Variants in MYPN observed in about 807,000 individuals in gnomAD.
MYPN encodes myopalladin, also known as sarcomeric protein myopalladin, 145 kDa (MYOP).
A neutral mutation model predicts 129.4 loss-of-function variants in MYPN; 63 were observed. The ratio of observed to expected loss-of-function variants is 0.49; its 90% CI spans 0.40 to 0.60. The LOEUF (loss-of-function observed/expected upper bound fraction) is 0.60. MYPN is among the 20% of genes least tolerant of loss of function. The probability of loss-of-function intolerance (pLI) is 0.00; values close to 1 mark genes in which losing one functional copy is unlikely to be tolerated. For synonymous variants in MYPN, 629 were observed against 600.9 expected (o/e 1.05, Z -0.68); for missense variants, 1,596 against 1,635.4 (o/e 0.98, Z 0.42).
intron 2 of MYPN, among the ~76,000 whole-genome samples, chr10:68,132,236 A>G (rs1282317930): frequency 1.3e-5 from 2 of 152,126 alleles, no homozygotes; most frequent in Non-Finnish European, 2.9e-5. Context: ...CTTTTTCTGC[A>G]TTTATTGAGC....
At position 68,122,113 on chromosome 10, in the gene MYPN, T is replaced by C; in HGVS notation, c.675T>C (p.Asn225=). ...CGGATACCAGGGATAATGAAGTGAA[T>C]CACGCCCTGGAACAGCAGGAAGCCA... ...IPADTRDNEV[N]HALEQQEAKR... is the part of the protein sequence containing the mutation. The change falls in exon 2 of 20, where the codon AAT becomes AAC. Residue 225 remains asparagine, a synonymous_variant. Transcript: ENST00000358913. 5 of 1,614,136 alleles carry C rather than the reference T, an allele frequency of 3.1e-6. No homozygotes were observed. The highest frequency in any genetic ancestry group is 4.2e-6 in the Non-Finnish European group (5 of 1,180,010).
intron 1 of MYPN, among the ~76,000 whole-genome samples, chr10:68,094,128 C>G (rs886210840): frequency 1.3e-5 from 2 of 152,110 alleles, no homozygotes; most frequent in Non-Finnish European, 2.9e-5. Context: ...TGACCATATC[C>G]TGTTTTATCA....
At chr10:68,120,249 C>G (rs1353482712) in intron 1 of MYPN, among the ~76,000 whole-genome samples, 2 of 151,824 alleles carry the variant, frequency 1.3e-5, no homozygotes, top group Non-Finnish European at 2.9e-5. Flanking sequence ...ATTTGCCATC[C>G]TTTAGTAAAT....
At chr10:68,209,360 T>C (rs1157248907) in intron 19 of MYPN, among the ~76,000 whole-genome samples, 1 of 152,220 alleles carries the variant, frequency 6.6e-6, no homozygotes, top group Non-Finnish European at 1.5e-5. Flanking sequence ...CCCTGAACCA[T>C]GGTTGATTGT....
intron 12 of MYPN, among the ~76,000 whole-genome samples, chr10:68,184,668 C>A (rs143589923): frequency 6.6e-6 from 1 of 152,264 alleles, no homozygotes; most frequent in Admixed American, 6.5e-5. Flanking sequence ...GCAGAGGAAA[C>A]AGGAATGGAA....
At chr10:68,094,257 A>G (rs1451763722) in intron 1 of MYPN, among the ~76,000 whole-genome samples, 1 of 151,312 alleles carries the variant, frequency 6.6e-6, no homozygotes, top group East Asian at 1.9e-4. Flanking sequence ...GCCTTATTTT[A>G]TTTTTTAATT....
upstream of MYPN, among the ~76,000 whole-genome samples, chr10:68,103,121 C>T (rs866603229): frequency 3.9e-5 from 6 of 152,330 alleles, no homozygotes; most frequent in Middle Eastern, 0.01. Context: ...TTCCTACTGC[C>T]TTTATTCACT....
At chr10:68,095,401 C>CT (rs2041951830) in intron 1 of MYPN, among the ~76,000 whole-genome samples, 2 of 151,776 alleles carry the variant, frequency 1.3e-5, no homozygotes, top group African/African-American at 4.8e-5. Flanking sequence ...ATGACTAACT[C>CT]TTTTTTGGCT....
chr10:68,186,704 C>G (rs1302585983), intron 12 of MYPN, among the ~76,000 whole-genome samples: 1 of 152,164 alleles, frequency 6.6e-6, no homozygotes, highest in African/African-American at 2.4e-5. Flanking sequence ...TGCCATGGTG[C>G]AGGTACTCTT....
At chr10:68,171,943 T>A (rs74143038) in intron 10 of MYPN, among the ~76,000 whole-genome samples, 4 of 152,226 alleles carry the variant, frequency 2.6e-5, no homozygotes, top group African/African-American at 9.7e-5. Flanking sequence ...TCAAAAGTAC[T>A]TGATACAGTA....
chr10:68,100,553 G>A (rs1589512194), intron 1 of MYPN, among the ~76,000 whole-genome samples: 1 of 152,146 alleles, frequency 6.6e-6, no homozygotes, highest in Admixed American at 6.6e-5. Context: ...GCAAGAAAGA[G>A]CCTGATCTTT....
rs775112774 is a variant in MYPN at position 68,174,404 on chromosome 10, A to G, written c.2312A>G (p.Gln771Arg). Reference sequence around the variant, plus strand: ...CTCTTAGTGTCTCACCCCTCTGTGCAAACCAAATCTCCAGGAGGGCTTTCC... The same window carrying G: ...CTCTTAGTGTCTCACCCCTCTGTGCGAACCAAATCTCCAGGAGGGCTTTCC... ...ESLLVSHPSV[Q>R]TKSPGGLSIQ... The change falls in exon 11 of 20, where the codon CAA becomes CGA. Residue 771 changes from glutamine to arginine, a missense_variant. Physicochemically the swap from Gln to Arg is conservative, Grantham distance 43. Coordinates refer to ENST00000358913, the MANE Select transcript of MYPN (RefSeq NM_032578.4). 9.9e-6 allele frequency: 16 copies of G among 1,613,992 alleles called. No homozygotes were observed. Among genetic ancestry groups the G allele is most frequent in the Admixed American group, 3.3e-5 (2 of 59,986 alleles).
intron 10 of MYPN, among the ~76,000 whole-genome samples, chr10:68,173,252 C>T (rs1431654505): frequency 6.6e-6 from 1 of 152,132 alleles, no homozygotes; most frequent in Non-Finnish European, 1.5e-5. Flanking sequence ...TAAAACAAGG[C>T]AGAGTGGAGA....
At position 68,211,547 on chromosome 10, in the gene MYPN, T is replaced by C. The variant is rs1363439155; in HGVS notation, c.*1092T>C. ...GAGAATATTCTGCTAGGTGGAAAAGTTGGGAGAAAGGGGAATATGCATCTT... is the reference window on the plus strand; with the variant it reads ...GAGAATATTCTGCTAGGTGGAAAAGCTGGGAGAAAGGGGAATATGCATCTT... On this transcript the variant is annotated 3_prime_UTR_variant, in exon 20 of 20. Transcript: ENST00000358913. The C allele has an allele frequency of 2.2e-6, 1 of 454,066 alleles. No homozygotes were observed. The highest frequency in any genetic ancestry group is 2.3e-5 in the Admixed American group (1 of 42,570). The allele number at this position is 454,066 out of a possible 1,614,324, so 28.1% of individuals were successfully genotyped here. A position where few individuals can be genotyped will look rare whatever the true frequency, so the allele number is the denominator to read the frequency against.
chr10:68,151,626 T>G (rs1374390788), intron 6 of MYPN, among the ~76,000 whole-genome samples: 1 of 152,206 alleles, frequency 6.6e-6, no homozygotes, highest in Non-Finnish European at 1.5e-5. Context: ...TAATTTATCA[T>G]GCCAGTTTGT....
intron 1 of MYPN, among the ~76,000 whole-genome samples, chr10:68,094,441 T>C (rs1040406296): frequency 2.6e-5 from 4 of 151,622 alleles, no homozygotes; most frequent in African/African-American, 4.9e-5. Context: ...TTTGTATTTT[T>C]AGTAGAGACG....
At chr10:68,141,198 G>C (rs904006109) in intron 2 of MYPN, among the ~76,000 whole-genome samples, 13 of 151,380 alleles carry the variant, frequency 8.6e-5, no homozygotes, top group African/African-American at 2.9e-4. Flanking sequence ...GTGAAACCCT[G>C]TCTCTACTAA....
intron 1 of MYPN, among the ~76,000 whole-genome samples, chr10:68,091,666 G>A (rs2041931796): frequency 6.6e-6 from 1 of 151,478 alleles, no homozygotes; most frequent in Admixed American, 6.6e-5. Context: ...AAAGTGCTGG[G>A]ATTATAGGCA....
intron 2 of MYPN, among the ~76,000 whole-genome samples, chr10:68,142,402 ACGT>A (rs1173053596): frequency 6.6e-6 from 1 of 152,210 alleles, no homozygotes; most frequent in East Asian, 1.9e-4. Flanking sequence ...AACATATTTA[ACGT>A]GGGTTATTTG....
Sources: allele counts gnomAD v4.1 joint callset (sites outside exome capture counted in the v4.1 genomes callset), GRCh38; gene constraint gnomAD v4.1.1; transcripts MANE v1.5; gene names NCBI Gene and HGNC (gene_info 2026-07-23, HGNC 2026-07-21).